The following TP63 variants were observed in gnomAD, a reference collection of about 807,000 sequenced individuals.
The protein encoded by TP63 is tumor protein 63.
Under a neutral mutation model 82.8 loss-of-function variants are expected in TP63, and 17 were observed. The ratio of observed to expected loss-of-function variants is 0.21; its 90% CI spans 0.14 to 0.31. The LOEUF (loss-of-function observed/expected upper bound fraction) is 0.31, where lower values mean the gene tolerates loss of function less well. TP63 is among the 10% of genes least tolerant of loss of function. The pLI, the probability that TP63 is intolerant of heterozygous loss-of-function variation, is 1.00. For missense variants in TP63, 648 were observed against 895.3 expected (o/e 0.72, Z 3.52); for synonymous variants, 330 against 321.7 (o/e 1.03, Z -0.28).
chr3:189,808,381 C>A lies in TP63; in HGVS notation c.434C>A (p.Ala145Glu), dbSNP rs1225645471. ...GACCACGCGCAGAACAGCGTCACGG[C>A]GCCCTCGCCCTACGCACAGCCCAGC... is the stretch of plus-strand genomic sequence containing the variant. ...NTDHAQNSVT[A>E]PSPYAQPSST... The change falls in exon 4 of 14, where the codon GCG (alanine) becomes GAG (glutamate). Residue 145 changes from alanine to glutamate, a missense_variant. Transcript: ENST00000264731. The A allele has an allele frequency of 9.9e-6, 16 of 1,614,210 alleles. No individual in the cohort carries two copies. The highest frequency in any genetic ancestry group is 1.4e-5 in the Non-Finnish European group (16 of 1,180,052).
chr3:189,600,298 G>A, the TP63 span, among the ~76,000 whole-genome samples: 1 of 152,026 alleles, frequency 6.6e-6, no homozygotes, highest in Admixed American at 6.5e-5. Context: ...TTTGTATAAT[G>A]TGTTTAACCT....
chr3:189,817,524 T>C (rs1159857087), intron 4 of TP63, among the ~76,000 whole-genome samples: 1 of 152,190 alleles, frequency 6.6e-6, no homozygotes, highest in South Asian at 2.1e-4. Context: ...TAAAGTGCTT[T>C]GGGAGCCTGA....
At chr3:189,634,682 A>G (rs1377529926) in intron 1 of TP63, among the ~76,000 whole-genome samples, 1 of 152,122 alleles carries the variant, frequency 6.6e-6, no homozygotes, top group African/African-American at 2.4e-5. Flanking sequence ...TTACCATTTG[A>G]ATACTAACTT....
intron 1 of TP63, among the ~76,000 whole-genome samples, chr3:189,637,741 G>T (rs1051471311): frequency 6.6e-6 from 1 of 152,048 alleles, no homozygotes; most frequent in Non-Finnish European, 1.5e-5. Flanking sequence ...TAATAGTCTC[G>T]AAAGATAGCC....
chr3:189,748,636 A>G (rs1337625436), intron 3 of TP63, among the ~76,000 whole-genome samples: 1 of 151,876 alleles, frequency 6.6e-6, no homozygotes, highest in African/African-American at 2.4e-5. Flanking sequence ...ATAGATTCAA[A>G]GCAATTCCTA....
At chr3:189,667,663 G>A (rs1714522519) in intron 1 of TP63, among the ~76,000 whole-genome samples, 1 of 152,056 alleles carries the variant, frequency 6.6e-6, no homozygotes, top group Admixed American at 6.6e-5. Context: ...TAGAACAGAA[G>A]CTGAAGATTG....
At chr3:189,749,530 A>T (rs2108519303) in intron 3 of TP63, among the ~76,000 whole-genome samples, 1 of 152,280 alleles carries the variant, frequency 6.6e-6, no homozygotes, top group African/African-American at 2.4e-5. Context: ...CAAATGACAA[A>T]AAATAACAGA....
chr3:189,613,502 C>T, the TP63 span, among the ~76,000 whole-genome samples: 1 of 152,202 alleles, frequency 6.6e-6, no homozygotes, highest in Non-Finnish European at 1.5e-5. Flanking sequence ...TCATGGAGAA[C>T]CTCGGCTTGG....
intron 12 of TP63, 94 bp downstream of exon 12, chr3:189,889,578 G>A: frequency 2.6e-6 from 4 of 1,551,938 alleles, no homozygotes; most frequent in Non-Finnish European, 3.5e-6. Context: ...CAGTTGGAAG[G>A]GAAGACAGCA....
chr3:189,841,832 G>A (rs1714163368), intron 4 of TP63, among the ~76,000 whole-genome samples: 1 of 152,218 alleles, frequency 6.6e-6, no homozygotes, highest in African/African-American at 2.4e-5. Flanking sequence ...TCCAGGTGTT[G>A]AAGGAGGTCA....
In TP63 at chr3:189,634,359, AT is replaced by A. The variant is rs764558351; in HGVS notation, c.62+2783del. On this transcript the variant is annotated intron_variant, in intron 1 of 13. Transcript: ENST00000264731. ...ATTCCCTTACAGAATAGAAAAAAAA[AT>A]GACAGATGTTATCTTTTATTACTAA... Among the ~76,000 whole-genome samples the A allele has an allele frequency of 1.8e-4, 28 of 152,198 alleles. No individual in the cohort carries two copies. In the East Asian group the frequency reaches 2.1e-3, roughly 12 times the overall value.
intron 4 of TP63, among the ~76,000 whole-genome samples, chr3:189,808,788 A>G (rs1727216877): frequency 6.6e-6 from 1 of 152,226 alleles, no homozygotes; most frequent in South Asian, 2.1e-4. Flanking sequence ...ACACTGTTGT[A>G]TGTGAAAGTT....
intron 3 of TP63, among the ~76,000 whole-genome samples, chr3:189,746,168 A>T (rs1385618905): frequency 1.3e-5 from 2 of 152,056 alleles, no homozygotes; most frequent in African/African-American, 2.4e-5. Context: ...AAATAAATAA[A>T]TAAAAGTTTT....
chr3:189,862,707 A>G (rs913898799), intron 4 of TP63, among the ~76,000 whole-genome samples: 15 of 152,242 alleles, frequency 9.9e-5, no homozygotes, highest in Admixed American at 2.6e-4. Flanking sequence ...AGTTCTTAAC[A>G]TGTCATAAAA....
At chr3:189,673,935 A>C (rs191525055) in intron 1 of TP63, among the ~76,000 whole-genome samples, 30 of 152,240 alleles carry the variant, frequency 2.0e-4, no homozygotes, top group Non-Finnish European at 3.8e-4. Flanking sequence ...TGTTATTATG[A>C]ATAATGCGTT....
intron 4 of TP63, among the ~76,000 whole-genome samples, chr3:189,838,769 T>C (rs1372251677): frequency 1.3e-5 from 2 of 152,182 alleles, no homozygotes; most frequent in African/African-American, 2.4e-5. Context: ...TCTGATCTAA[T>C]TGATTAAGTT....
chr3:189,838,579 G>A (rs1429261002), intron 4 of TP63, among the ~76,000 whole-genome samples: 3 of 151,990 alleles, frequency 2.0e-5, no homozygotes, highest in Non-Finnish European at 2.9e-5. Context: ...CTCTCCCCAA[G>A]CACCCCCTAC....
At chr3:189,738,558 G>GA (rs1720761004) in intron 2 of TP63, 84 bp from the exon 3 acceptor site, 1 of 1,603,482 alleles carries the variant, frequency 6.2e-7, no homozygotes, top group South Asian at 1.1e-5. Context: ...CTTTGAAGCA[G>GA]AAAATGCTTG....
intron 1 of TP63, among the ~76,000 whole-genome samples, chr3:189,682,173 A>G (rs986846673): frequency 2.0e-5 from 3 of 152,130 alleles, no homozygotes; most frequent in African/African-American, 7.2e-5. Context: ...CTTAATATCT[A>G]TATTCATATA....
Sources: allele counts gnomAD v4.1 joint callset (sites outside exome capture counted in the v4.1 genomes callset), GRCh38; gene constraint gnomAD v4.1.1; transcripts MANE v1.5; gene names NCBI Gene and HGNC (gene_info 2026-07-23, HGNC 2026-07-21).